Variants in CFAP61 observed in about 807,000 individuals in gnomAD.
CFAP61 encodes cilia- and flagella-associated protein 61.
In CFAP61, 107 loss-of-function variants were observed where a neutral mutation model predicts 135.6. That is an observed-to-expected ratio of 0.79 (90% confidence interval 0.67 to 0.93). The LOEUF is 0.93. CFAP61 is among the 40% of genes least tolerant of loss of function. The probability of loss-of-function intolerance (pLI) is 0.00; values close to 1 mark genes in which losing one functional copy is unlikely to be tolerated. For missense variants in CFAP61, 1,507 were observed against 1,556.2 expected (o/e 0.97, Z 0.53); for synonymous variants, 575 against 578.5 (o/e 0.99, Z 0.09).
At chr20:20,284,250 C>CTTTAT (rs749504536) in intron 22 of CFAP61, among the ~76,000 whole-genome samples, 2,116 of 145,002 alleles carry the variant, frequency 0.015, 64 homozygotes, top group East Asian at 0.089. Context: ...TCAATTGGCT[C>CTTTAT]TTTATTTTAT....
intron 6 of CFAP61, 23 bp from the exon 7 acceptor site, chr20:20,090,821 A>G (rs759923587): frequency 1.9e-6 from 3 of 1,613,210 alleles, no homozygotes; most frequent in East Asian, 4.5e-5. Flanking sequence ...CGAACACTGA[A>G]CTTCAGCCTT....
intron 25 of CFAP61, among the ~76,000 whole-genome samples, chr20:20,327,734 A>G (rs2057802989): frequency 6.7e-6 from 1 of 148,504 alleles, no homozygotes; most frequent in Non-Finnish European, 1.5e-5. Flanking sequence ...TTCCTGGAAG[A>G]AAAGAAATGC....
intron 25 of CFAP61, among the ~76,000 whole-genome samples, chr20:20,311,161 C>G (rs539638115): frequency 6.6e-6 from 1 of 152,158 alleles, no homozygotes; most frequent in Admixed American, 6.5e-5. Flanking sequence ...ACTAATCAAC[C>G]TTGACCAGAA....
At chr20:20,334,589 T>G (rs2058110476) in intron 25 of CFAP61, among the ~76,000 whole-genome samples, 1 of 152,260 alleles carries the variant, frequency 6.6e-6, no homozygotes, top group Non-Finnish European at 1.5e-5. Flanking sequence ...GCCGTTTTTC[T>G]GCAGAGCAGG....
chr20:20,321,488 A>C (rs1016972691), intron 25 of CFAP61, among the ~76,000 whole-genome samples: 30 of 152,256 alleles, frequency 2.0e-4, no homozygotes, highest in African/African-American at 7.2e-4. Context: ...CTATAGATTT[A>C]AGGTAAAAAG....
intron 8 of CFAP61, among the ~76,000 whole-genome samples, chr20:20,142,393 C>A (rs1003691647): frequency 4.6e-5 from 7 of 152,340 alleles, no homozygotes; most frequent in African/African-American, 1.7e-4. Context: ...TCAGGTAACA[C>A]TGATGTAACT....
At chr20:20,160,653 C>T (rs982459158) in intron 10 of CFAP61, among the ~76,000 whole-genome samples, 1 of 152,188 alleles carries the variant, frequency 6.6e-6, no homozygotes, top group African/African-American at 2.4e-5. Flanking sequence ...GATGTGCTGT[C>T]AGAAAGAGAA....
intron 7 of CFAP61, among the ~76,000 whole-genome samples, chr20:20,096,978 A>G (rs2047622119): frequency 6.6e-6 from 1 of 152,204 alleles, no homozygotes; most frequent in Non-Finnish European, 1.5e-5. Flanking sequence ...AATTCCCCTC[A>G]TATTTCAGTA....
intron 6 of CFAP61, among the ~76,000 whole-genome samples, chr20:20,089,689 C>T (rs1344758053): frequency 6.6e-6 from 1 of 152,000 alleles, no homozygotes; most frequent in Non-Finnish European, 1.5e-5. Context: ...GTGTTAAATC[C>T]TGCAGCAAGA....
chr20:20,111,599 G>A (rs1048887890), intron 8 of CFAP61, among the ~76,000 whole-genome samples: 5 of 152,132 alleles, frequency 3.3e-5, no homozygotes, highest in South Asian at 2.1e-4. Context: ...GTTACAAGGA[G>A]GACAGATTCT....
chr20:20,157,518 G>A (rs1441658487), intron 9 of CFAP61, among the ~76,000 whole-genome samples: 1 of 152,148 alleles, frequency 6.6e-6, no homozygotes, highest in East Asian at 1.9e-4. Context: ...GCAATGTAGT[G>A]GAGAAAGAAT....
At chr20:20,320,603 T>A (rs2057464085) in intron 25 of CFAP61, among the ~76,000 whole-genome samples, 1 of 140,792 alleles carries the variant, frequency 7.1e-6, no homozygotes, top group Admixed American at 7.8e-5. Flanking sequence ...TCTGGAGACA[T>A]GCTTCAAGAT....
chr20:20,089,165 A>G (rs1420337987), intron 6 of CFAP61, among the ~76,000 whole-genome samples: 6 of 152,176 alleles, frequency 3.9e-5, no homozygotes, highest in African/African-American at 9.7e-5. Context: ...TTTGAAGTGC[A>G]TTGTCAGCTT....
intron 19 of CFAP61, among the ~76,000 whole-genome samples, chr20:20,248,420 G>A (rs1255713028): frequency 2.0e-5 from 3 of 152,154 alleles, no homozygotes; most frequent in Non-Finnish European, 2.9e-5. Flanking sequence ...TACTAATTTT[G>A]AACTTGTCGT....
At chr20:20,283,330 T>G (rs1408372462) in intron 22 of CFAP61, among the ~76,000 whole-genome samples, 1 of 152,222 alleles carries the variant, frequency 6.6e-6, no homozygotes, top group East Asian at 1.9e-4. Context: ...TAATATCCCT[T>G]ATCTTAAGGT....
chr20:20,092,427 C>G (rs1377945400), intron 7 of CFAP61, among the ~76,000 whole-genome samples: 1 of 152,198 alleles, frequency 6.6e-6, no homozygotes, highest in Non-Finnish European at 1.5e-5. Flanking sequence ...TTTGTTAAAA[C>G]TGTAAGAGCT....
intron 8 of CFAP61, among the ~76,000 whole-genome samples, chr20:20,123,972 T>TTG (rs142526049): frequency 3.9e-4 from 8 of 20,414 alleles, no homozygotes; most frequent in Admixed American, 3.6e-3. Context: ...TATTCCTAAG[T>TTG]TTTTTTTTTT....
At chr20:20,248,397 C>A (rs764704527) in intron 19 of CFAP61, among the ~76,000 whole-genome samples, 4 of 152,166 alleles carry the variant, frequency 2.6e-5, no homozygotes, top group Non-Finnish European at 5.9e-5. Context: ...TAATTTAAAT[C>A]CCTGATTCCA....
intron 25 of CFAP61, among the ~76,000 whole-genome samples, chr20:20,304,088 C>T (rs865911924): frequency 4.6e-5 from 7 of 152,226 alleles, no homozygotes; most frequent in Non-Finnish European, 7.4e-5. Context: ...CACGAGGTGG[C>T]GGCCGAGCTG....
Sources: allele counts gnomAD v4.1 joint callset (sites outside exome capture counted in the v4.1 genomes callset), GRCh38; gene constraint gnomAD v4.1.1; transcripts MANE v1.5; gene names NCBI Gene and HGNC (gene_info 2026-07-23, HGNC 2026-07-21).